Variants in CDH18 observed in about 807,000 individuals in gnomAD.
The protein encoded by CDH18 is cadherin-18.
Under a neutral mutation model 67.9 loss-of-function variants are expected in CDH18, and 31 were observed. The observed-to-expected ratio is 0.46, with a 90% confidence interval of 0.34 to 0.62. The LOEUF is 0.62. Among genes scored for constraint, CDH18 ranks in the 20% least tolerant of loss-of-function variants. CDH18 has a pLI of 0.01. For missense variants in CDH18, 890 were observed against 975.5 expected (o/e 0.91, Z 1.17); for synonymous variants, 362 against 347.2 (o/e 1.04, Z -0.48).
Position 20,546,748 on chromosome 5 carries a change from T to TACACACACACAC in CDH18, c.-580+28713_-580+28714insGTGTGTGTGTGT, listed in dbSNP as rs72287076. Among the ~76,000 whole-genome samples the TACACACACACAC allele has an allele frequency of 4.5e-3, 636 of 141,492 alleles. 6 individuals carry two copies. The highest frequency in any genetic ancestry group is 0.015 in the African/African-American group (539 of 37,134). The allele number at this position is 141,492 out of a possible 152,430, so 92.8% of individuals were successfully genotyped here. On this transcript the variant is annotated intron_variant, in intron 1 of 14. Transcript: ENST00000507958. The stretch of plus-strand genomic sequence containing the variant: ...AGTCAAACCATATCACATACATACA[T>TACACACACACAC]AGACACACACACACACACACATATG...
At chr5:20,539,815 T>A (rs1194922428) in intron 1 of CDH18, among the ~76,000 whole-genome samples, 1 of 150,870 alleles carries the variant, frequency 6.6e-6, no homozygotes, top group Non-Finnish European at 1.5e-5. Flanking sequence ...AACCATGAAG[T>A]AATTTACTAT....
chr5:19,567,815 A>G (rs1462030959), intron 8 of CDH18, among the ~76,000 whole-genome samples: 1 of 152,100 alleles, frequency 6.6e-6, no homozygotes, highest in East Asian at 1.9e-4. Context: ...GAAACTATGT[A>G]CCAATCATCT....
chr5:19,851,751 ATGTGTGT>A (rs1783729658), intron 2 of CDH18, among the ~76,000 whole-genome samples: 2 of 149,858 alleles, frequency 1.3e-5, no homozygotes, highest in Non-Finnish European at 3.0e-5. Context: ...GTGTGTGTGT[ATGTGTGT>A]GTGTGTGTGT....
chr5:20,029,082 A>T (rs1376213137), intron 2 of CDH18, among the ~76,000 whole-genome samples: 1 of 152,210 alleles, frequency 6.6e-6, no homozygotes, highest in Non-Finnish European at 1.5e-5. Context: ...ACAGCCAATT[A>T]TTCACGCATT....
chr5:20,545,124 T>G lies in CDH18; in HGVS notation c.-580+30338A>C, dbSNP rs186907343. On this transcript the variant is annotated intron_variant, in intron 1 of 14. Transcript: ENST00000507958. ...TTACCCTTTGATTCCATGTCTCACA[T>G]CCAGGAAATGCTGGTGCAAGGGGTG... Among the ~76,000 whole-genome samples the G allele has an allele frequency of 3.0e-3, 458 of 152,320 alleles. 1 individual carries two copies. The highest frequency in any genetic ancestry group is 0.011 in the African/African-American group (439 of 41,580).
chr5:20,379,565 C>T (rs1743746340), intron 1 of CDH18, among the ~76,000 whole-genome samples: 1 of 151,860 alleles, frequency 6.6e-6, no homozygotes, highest in African/African-American at 2.4e-5. Context: ...TTAATTATAT[C>T]TACATGAGTA....
At chr5:20,336,672 G>A (rs1403598408) in intron 1 of CDH18, among the ~76,000 whole-genome samples, 2 of 124,998 alleles carry the variant, frequency 1.6e-5, no homozygotes, top group Admixed American at 9.8e-5. Context: ...CTCATGAGCC[G>A]AGATCACACC....
At chr5:19,689,248 T>C (rs1580881570) in intron 5 of CDH18, among the ~76,000 whole-genome samples, 1 of 152,112 alleles carries the variant, frequency 6.6e-6, no homozygotes, top group East Asian at 1.9e-4. Flanking sequence ...CAAATGCAAA[T>C]ACAAATAGAA....
At chr5:20,036,238 G>A (rs952028307) in intron 2 of CDH18, among the ~76,000 whole-genome samples, 7 of 151,978 alleles carry the variant, frequency 4.6e-5, no homozygotes, top group Non-Finnish European at 1.0e-4. Flanking sequence ...AAACAGACTG[G>A]AACTAGGAGG....
At chr5:19,535,824 T>C (rs548621634) in intron 9 of CDH18, among the ~76,000 whole-genome samples, 4 of 152,336 alleles carry the variant, frequency 2.6e-5, no homozygotes, top group Non-Finnish European at 4.4e-5. Context: ...ATTGAAAGTT[T>C]CAATAAAGTA....
chr5:19,637,152 TTTTCTTTC>T lies in CDH18; in HGVS notation c.644-24559_644-24552del, dbSNP rs200230987. Reference sequence around the variant, plus strand: ...TCTTTCTCTTTCTTTCTTTCTTTCTTTTTCTTTCTTTCTTTCTTCCTTCCTTTTTTCCT... The same window carrying T: ...TCTTTCTCTTTCTTTCTTTCTTTCTTTTTCTTTCTTCCTTCCTTTTTTCCT... On this transcript the variant is annotated intron_variant, in intron 5 of 12. Transcript: ENST00000382275. Among the ~76,000 whole-genome samples, 15 of 149,574 alleles carry T rather than the reference TTTTCTTTC, an allele frequency of 1.0e-4. No homozygotes were observed. The South Asian group carries it at 2.5e-3, about 25-fold the overall frequency.
chr5:19,877,118 G>A (rs187025435), intron 2 of CDH18, among the ~76,000 whole-genome samples: 9 of 152,196 alleles, frequency 5.9e-5, no homozygotes, highest in African/African-American at 2.2e-4. Context: ...TTAAGCCACG[G>A]AGACTTGGAG....
At chr5:20,287,042 C>T (rs1746745739) in intron 1 of CDH18, among the ~76,000 whole-genome samples, 1 of 151,680 alleles carries the variant, frequency 6.6e-6, no homozygotes, top group South Asian at 2.1e-4. Context: ...ATCCCAATAC[C>T]TCACTGCTAA....
At chr5:19,862,641 C>A (rs530738747) in intron 2 of CDH18, among the ~76,000 whole-genome samples, 1 of 152,296 alleles carries the variant, frequency 6.6e-6, no homozygotes, top group East Asian at 1.9e-4. Flanking sequence ...GGTATAAGCA[C>A]AACAAAACCT....
intron 1 of CDH18, among the ~76,000 whole-genome samples, chr5:20,421,021 G>A (rs929944498): frequency 6.6e-6 from 1 of 151,010 alleles, no homozygotes; most frequent in African/African-American, 2.5e-5. Context: ...CTTCTTTTAA[G>A]GTGAGCTTGC....
intron 1 of CDH18, among the ~76,000 whole-genome samples, chr5:20,258,987 C>G (rs537884452): frequency 1.1e-4 from 16 of 152,164 alleles, no homozygotes; most frequent in African/African-American, 3.4e-4. Flanking sequence ...CCCAAGGAAA[C>G]CTTGAGATAC....
At chr5:20,567,475 T>A (rs928989260) in intron 1 of CDH18, among the ~76,000 whole-genome samples, 1 of 151,134 alleles carries the variant, frequency 6.6e-6, no homozygotes, top group African/African-American at 2.5e-5. Context: ...TGCCTGGTGC[T>A]GTAACCAATG....
intron 2 of CDH18, among the ~76,000 whole-genome samples, chr5:20,074,165 G>A (rs1743729944): frequency 6.6e-6 from 1 of 152,032 alleles, no homozygotes; most frequent in Non-Finnish European, 1.5e-5. Context: ...GTATAATAAT[G>A]ATAATAATAG....
intron 2 of CDH18, among the ~76,000 whole-genome samples, chr5:19,900,518 A>G (rs1294651861): frequency 1.3e-5 from 2 of 152,192 alleles, no homozygotes; most frequent in Non-Finnish European, 2.9e-5. Flanking sequence ...TAATTTGACA[A>G]TTACACAATG....
Sources: gnomAD v4.1 joint callset for allele counts (sites outside exome capture counted in the v4.1 genomes callset) on GRCh38, gnomAD v4.1.1 for gene constraint, MANE v1.5 for transcripts, NCBI Gene and HGNC (gene_info 2026-07-23, HGNC 2026-07-21) for gene names.